Variants in PUS10 observed in about 807,000 individuals in gnomAD.
The protein encoded by PUS10 is pseudouridine synthase 10.
In PUS10, 59 loss-of-function variants were observed where a neutral mutation model predicts 75.0. The ratio of observed to expected loss-of-function variants is 0.79; its 90% confidence interval spans 0.64 to 0.98. The LOEUF (loss-of-function observed/expected upper bound fraction) is 0.98. PUS10 is among the 50% of genes least tolerant of loss of function. PUS10 has a pLI of 0.00. For synonymous variants in PUS10, 219 were observed against 211.6 expected (o/e 1.03, Z -0.30); for missense variants, 650 against 614.4 (o/e 1.06, Z -0.61).
intron 1 of PUS10, among the ~76,000 whole-genome samples, chr2:61,013,709 A>T (rs1161423369): frequency 6.6e-6 from 1 of 152,192 alleles, no homozygotes; most frequent in East Asian, 1.9e-4. Context: ...ACCCTTAATG[A>T]TAGCTTAGCG....
In PUS10 at chr2:61,009,034, A is replaced by G. The variant is rs1166848401; in HGVS notation, c.127-19T>C. 1 of 1,598,730 alleles carries G rather than the reference A, an allele frequency of 6.3e-7. No individual in the cohort carries two copies. On this transcript the variant is annotated intron_variant, in intron 2 of 17. Coordinates refer to ENST00000316752, the MANE Select transcript of PUS10 (RefSeq NM_144709.4). The stretch of plus-strand genomic sequence containing the variant: ...GCAACTCCTGGAAAGTTAATGAAAG[A>G]AAAAGTAATGACCCACTGACAATGT...
rs548838528 is a variant in PUS10, at chr2:60,943,511, T to TATTGAC, written c.1552-1084_1552-1079dup. ...ACCCACCGTATCTATCTGTGGCTTT[T>TATTGAC]ATTGACATTTAAAGTTTAAAACATA... On this transcript the variant is annotated intron_variant, in intron 17 of 17. Coordinates refer to ENST00000316752, the MANE Select transcript of PUS10 (RefSeq NM_144709.4). 3.0e-3 allele frequency among the ~76,000 whole-genome samples: 461 copies of TATTGAC among 151,920 alleles called. 2 individuals carry two copies. The highest frequency in any genetic ancestry group is 0.011 in the African/African-American group (448 of 41,446).
At chr2:60,965,357 A>G in intron 7 of PUS10, 66 bp downstream of exon 7, 1 of 1,269,990 alleles carries the variant, frequency 7.9e-7, no homozygotes, top group Non-Finnish European at 1.1e-6. Context: ...AAGCAATACT[A>G]TTTTCATGAA....
At chr2:60,955,650 T>C (rs1246546840) in intron 11 of PUS10, among the ~76,000 whole-genome samples, 2 of 152,180 alleles carry the variant, frequency 1.3e-5, no homozygotes, top group Non-Finnish European at 2.9e-5. Flanking sequence ...TAATCCTTAT[T>C]ATAACCTTAT....
intron 16 of PUS10, among the ~76,000 whole-genome samples, chr2:60,945,496 A>G (rs1440828794): frequency 6.6e-6 from 1 of 152,192 alleles, no homozygotes; most frequent in Non-Finnish European, 1.5e-5. Flanking sequence ...GGCAACTGTC[A>G]CCTGCCAGAT....
intron 2 of PUS10, 23 bp from the exon 3 acceptor site, chr2:61,009,038 A>T: frequency 6.3e-7 from 1 of 1,595,532 alleles, no homozygotes; most frequent in South Asian, 1.1e-5. Context: ...TGAAAGAAAA[A>T]GTAATGACCC....
intron 15 of PUS10, among the ~76,000 whole-genome samples, chr2:60,950,446 C>G (rs1675265848): frequency 6.6e-6 from 1 of 152,004 alleles, no homozygotes; most frequent in African/African-American, 2.4e-5. Context: ...GAGACAGAGT[C>G]TCACTCTGTC....
At chr2:60,978,023 G>A (rs1231585910) in intron 4 of PUS10, among the ~76,000 whole-genome samples, 1 of 152,118 alleles carries the variant, frequency 6.6e-6, no homozygotes, top group Non-Finnish European at 1.5e-5. Flanking sequence ...CAGAGTGGTG[G>A]GGGCTGAGAC....
chr2:60,966,653 C>T lies in PUS10; in HGVS notation c.615+849G>A, dbSNP rs973388856. The stretch of plus-strand genomic sequence containing the variant: ...TCTAACTTCCAAAATACTTTCATTA[C>T]CTCATTTCCTCTTCATGCTATCTGT... On this transcript the variant is annotated intron_variant, in intron 6 of 17. Transcript: ENST00000316752. 4 of 152,262 alleles carry T rather than the reference C, an allele frequency of 2.6e-5. No individual in the cohort carries two copies. The South Asian group carries it at 8.3e-4, about 32-fold the overall frequency. 9.4% of individuals were successfully genotyped at this position (152,262 alleles called of 1,614,324 possible). A position where few individuals can be genotyped will look rare whatever the true frequency, so the allele number is the denominator to read the frequency against.
chr2:60,949,032 C>T (rs1379591904), intron 15 of PUS10, among the ~76,000 whole-genome samples: 5 of 152,186 alleles, frequency 3.3e-5, no homozygotes, highest in Admixed American at 6.5e-5. Context: ...GGTCTCTCCT[C>T]TATCAAGTTC....
chr2:60,971,860 C>G (rs1573434939), intron 4 of PUS10, among the ~76,000 whole-genome samples: 1 of 139,344 alleles, frequency 7.2e-6, no homozygotes, highest in South Asian at 2.3e-4. Context: ...TTCTTTCTTT[C>G]TTCTCTTTTT....
At chr2:60,993,444 G>A (rs954581549) in intron 4 of PUS10, among the ~76,000 whole-genome samples, 2 of 151,402 alleles carry the variant, frequency 1.3e-5, no homozygotes, top group Non-Finnish European at 2.9e-5. Flanking sequence ...GAGACAGGGT[G>A]AGACTCTGTC....
chr2:60,993,316 G>A (rs1269524501), intron 4 of PUS10, among the ~76,000 whole-genome samples: 1 of 152,104 alleles, frequency 6.6e-6, no homozygotes, highest in South Asian at 2.1e-4. Flanking sequence ...AATTAGCCAG[G>A]TGTGGCGGCA....
chr2:60,985,938 CAAAAA>C (rs59173202), intron 4 of PUS10, among the ~76,000 whole-genome samples: 1 of 82,142 alleles, frequency 1.2e-5, no homozygotes. Context: ...CAGACTTCAC[CAAAAA>C]AAAAAAAAAA....
chr2:60,960,418 T>C lies in PUS10; in HGVS notation c.974A>G (p.His325Arg). 6.4e-7 allele frequency: 1 copy of C among 1,571,284 alleles called. No individual in the cohort carries two copies. The highest frequency in any genetic ancestry group is 8.6e-7 in the Non-Finnish European group (1 of 1,165,280). Residue 325 changes from histidine (H) to arginine (R), a missense_variant, in exon 11 of 18, where the codon CAT (histidine) becomes CGT (arginine). Coordinates refer to ENST00000316752, the MANE Select transcript of PUS10 (RefSeq NM_144709.4). Reference sequence around the variant, plus strand: ...CTCTGCTTTAAATACTGCCAACAGATGATCTGAAATTAATTCTTCCACTGA... The same window carrying C: ...CTCTGCTTTAAATACTGCCAACAGACGATCTGAAATTAATTCTTCCACTGA... Reference protein sequence around the residue: ...ESSVEELISDHLLAVFKAESF... With the variant: ...ESSVEELISDRLLAVFKAESF...
intron 2 of PUS10, 81 bp downstream of exon 2, chr2:61,011,684 C>G (rs1679605846): frequency 2.0e-6 from 2 of 1,000,418 alleles, no homozygotes; most frequent in Non-Finnish European, 2.8e-6. Context: ...AGATACCTGC[C>G]CTCAAAAGTA....
intron 15 of PUS10, among the ~76,000 whole-genome samples, chr2:60,950,480 C>T (rs1016290182): frequency 2.0e-5 from 3 of 152,108 alleles, no homozygotes; most frequent in East Asian, 1.9e-4. Context: ...TGCTGTGGCG[C>T]GATCTCAGCT....
intron 2 of PUS10, 143 bp from the exon 3 acceptor site, chr2:61,009,158 C>A: frequency 1.5e-6 from 1 of 666,904 alleles, no homozygotes; most frequent in Non-Finnish European, 2.4e-6. Context: ...CTGAAGCAAT[C>A]CAGTTATTAG....
In PUS10 at chr2:60,977,321, T is replaced by G. The variant is rs148387192; in HGVS notation, c.469-5764A>C. Among the ~76,000 whole-genome samples the G allele has an allele frequency of 3.9e-5, 6 of 152,240 alleles. No individual in the cohort carries two copies. In the East Asian group the frequency reaches 1.2e-3, roughly 29 times the overall value. On this transcript the variant is annotated intron_variant, in intron 4 of 17. Transcript: ENST00000316752. ...ACTACAATTCAGTAAAGTTGGACAC[T>G]TTGGGGTATGTTATGTGTGTTCATA...
Sources: gnomAD v4.1 joint callset for allele counts (sites outside exome capture counted in the v4.1 genomes callset) on GRCh38, gnomAD v4.1.1 for gene constraint, MANE v1.5 for transcripts, NCBI Gene and HGNC (gene_info 2026-07-23, HGNC 2026-07-21) for gene names.